DDX1: variants seen among roughly 807,000 people sequenced by gnomAD.
The protein encoded by DDX1 is ATP-dependent RNA helicase DDX1.
Under a neutral mutation model 108.7 loss-of-function variants are expected in DDX1, and 28 were observed. The ratio of observed to expected loss-of-function variants is 0.26; its 90% CI spans 0.19 to 0.35. The LOEUF is 0.35. Ranked by LOEUF, DDX1 falls within the 10% of genes least tolerant of loss-of-function variation. The probability of loss-of-function intolerance (pLI) is 1.00; values close to 1 mark genes in which losing one functional copy is unlikely to be tolerated. For missense variants in DDX1, 710 were observed against 884.5 expected, an observed-to-expected ratio of 0.80 and a Z score of 2.50; for synonymous variants, 295 against 288.9, an observed-to-expected ratio of 1.02 and a Z score of -0.21.
intron 10 of DDX1, among the ~76,000 whole-genome samples, 163 bp from the exon 11 acceptor site, chr2:15,605,787 G>A (rs943306372): frequency 6.6e-6 from 1 of 152,156 alleles, no homozygotes; most frequent in Non-Finnish European, 1.5e-5. Flanking sequence ...GACAGTTTCA[G>A]GAGTAAAGTA....
chr2:15,595,342 CT>C (rs1558449962), intron 2 of DDX1, 146 bp downstream of exon 2: 7 of 925,264 alleles, frequency 7.6e-6, no homozygotes, highest in Non-Finnish European at 9.7e-6. Context: ...GGAAAGTTTC[CT>C]TTTTTTAACC....
intron 7 of DDX1, among the ~76,000 whole-genome samples, chr2:15,602,991 G>A (rs952486226): frequency 2.6e-5 from 4 of 152,220 alleles, no homozygotes; most frequent in African/African-American, 7.2e-5. Flanking sequence ...GCCTGCAGGC[G>A]TGAGCCACTA....
At chr2:15,608,663 G>GTT (rs569566545) in intron 13 of DDX1, among the ~76,000 whole-genome samples, 34,361 of 105,720 alleles carry the variant, frequency 0.33, 5,662 homozygotes, top group South Asian at 0.39. Flanking sequence ...TTTTTTTTAG[G>GTT]TTTTTTTTTT....
chr2:15,605,924 T>C, intron 10 of DDX1, 26 bp from the exon 11 acceptor site: 1 of 1,162,320 alleles, frequency 8.6e-7, no homozygotes, highest in Non-Finnish European at 1.2e-6. Flanking sequence ...ATTGTTTTAA[T>C]CTCTCTCTCT....
chr2:15,608,574 T>C (rs569358370), intron 13 of DDX1, among the ~76,000 whole-genome samples: 21 of 151,482 alleles, frequency 1.4e-4, no homozygotes, highest in African/African-American at 3.9e-4. Flanking sequence ...TGGTTTTTAG[T>C]ATATTCACAA....
intron 23 of DDX1, among the ~76,000 whole-genome samples, chr2:15,629,246 TTATTCTC>T (rs1377973418): frequency 6.6e-6 from 1 of 152,222 alleles, no homozygotes. Flanking sequence ...ATTTGCTTTA[TTATTCTC>T]TTATACAAAA....
At chr2:15,592,124 C>T (rs547695962) in intron 1 of DDX1, among the ~76,000 whole-genome samples, 175 bp downstream of exon 1, 1 of 152,356 alleles carries the variant, frequency 6.6e-6, no homozygotes, top group South Asian at 2.1e-4. Flanking sequence ...GGCCGCGGCT[C>T]GGGTTCGGAG....
intron 20 of DDX1, 43 bp downstream of exon 20, chr2:15,627,188 G>A (rs767937955): frequency 2.4e-5 from 27 of 1,110,132 alleles, no homozygotes; most frequent in Non-Finnish European, 3.3e-5. Flanking sequence ...CTTAAGAGGG[G>A]CATTATATCT....
At chr2:15,626,114 C>G (rs988954971) in intron 19 of DDX1, among the ~76,000 whole-genome samples, 11 of 152,162 alleles carry the variant, frequency 7.2e-5, no homozygotes, top group Admixed American at 2.0e-4. Context: ...AAGTTTATTA[C>G]ACCATTACTA....
In DDX1 at chr2:15,628,760, A is replaced by G. The variant is rs375872301; in HGVS notation, c.1833-37A>G. 3.9e-5 allele frequency: 63 copies of G among 1,612,684 alleles called. No homozygotes were observed. In the South Asian group the frequency reaches 5.2e-4, roughly 13 times the overall value. ...CATTTTTAAGCTTGTATGCTTTAGG[A>G]ATAAAGTCTAATAGAAGGCTTTTAA... On this transcript the variant is annotated intron_variant, in intron 22 of 25. Coordinates refer to ENST00000233084, the MANE Select transcript of DDX1 (RefSeq NM_004939.3).
chr2:15,597,732 T>C (rs1665524379), intron 5 of DDX1, among the ~76,000 whole-genome samples: 1 of 152,184 alleles, frequency 6.6e-6, no homozygotes, highest in African/African-American at 2.4e-5. Context: ...AATATTATAG[T>C]GTTTTTCTTA....
Position 15,621,660 on chromosome 2 carries a change from T to G in DDX1, c.1447+544T>G, listed in dbSNP as rs561077864. On this transcript the variant is annotated intron_variant, in intron 18 of 25. Transcript: ENST00000233084. ...TGGCATCTAAATCACTTTTTTTTTT[T>G]TTGTTTTTTTGAGACACGGTCTCAC... Among the ~76,000 whole-genome samples the G allele has an allele frequency of 5.5e-3, 831 of 151,926 alleles. 3 individuals are homozygous for G. The highest frequency in any genetic ancestry group is 6.4e-3 in the Admixed American group (98 of 15,268).
chr2:15,629,455 G>A lies in DDX1; in HGVS notation c.1876-147G>A, dbSNP rs547168133. On this transcript the variant is annotated intron_variant, in intron 23 of 25. Transcript: ENST00000233084. ...TATTTATTCAATGAGCTACTGAATA[G>A]TAGTGGTAATTGGATGATATATCAT... 2.9e-5 allele frequency: 17 copies of A among 594,436 alleles called. No homozygotes were observed. In the South Asian group the frequency reaches 4.1e-4, roughly 14 times the overall value. The allele number at this position is 594,436 out of a possible 1,614,324, so 36.8% of individuals were successfully genotyped here.
At chr2:15,604,050 T>C (rs1311596614) in intron 9 of DDX1, among the ~76,000 whole-genome samples, 160 bp downstream of exon 9, 3 of 152,232 alleles carry the variant, frequency 2.0e-5, no homozygotes, top group Non-Finnish European at 2.9e-5. Context: ...TGAAGAAATA[T>C]TGTCAAGCTA....
intron 7 of DDX1, 88 bp from the exon 8 acceptor site, chr2:15,603,104 G>A: frequency 1.2e-6 from 1 of 862,548 alleles, no homozygotes; most frequent in Non-Finnish European, 1.9e-6. Context: ...ACATACCTGT[G>A]TAATTCAGAA....
At chr2:15,606,731 A>G (rs1665668199) in intron 12 of DDX1, among the ~76,000 whole-genome samples, 2 of 152,246 alleles carry the variant, frequency 1.3e-5, no homozygotes. Context: ...TATATCTAAT[A>G]TTTAAAGTAT....
intron 5 of DDX1, among the ~76,000 whole-genome samples, chr2:15,597,761 C>G (rs991894046): frequency 3.9e-5 from 6 of 152,096 alleles, no homozygotes; most frequent in African/African-American, 1.4e-4. Flanking sequence ...ACTTTCTATG[C>G]TTAATGCTAA....
At chr2:15,621,742 T>C (rs964028545) in intron 18 of DDX1, among the ~76,000 whole-genome samples, 2 of 151,644 alleles carry the variant, frequency 1.3e-5, no homozygotes, top group Admixed American at 1.3e-4. Context: ...AACCTCTGCC[T>C]CCCAGGCTCA....
chr2:15,599,852 A>G (rs986927873), intron 6 of DDX1, 136 bp downstream of exon 6: 3 of 594,934 alleles, frequency 5.0e-6, no homozygotes, highest in Non-Finnish European at 8.8e-6. Context: ...TAAACAGTAT[A>G]GAACTGACAT....
Sources: gnomAD v4.1 joint callset for allele counts (sites outside exome capture counted in the v4.1 genomes callset) on GRCh38, gnomAD v4.1.1 for gene constraint, MANE v1.5 for transcripts, NCBI Gene and HGNC (gene_info 2026-07-23, HGNC 2026-07-21) for gene names.